AGGF1: variants seen among roughly 807,000 people sequenced by gnomAD.
AGGF1 encodes the protein angiogenic factor with G patch and FHA domains 1.
A neutral mutation model predicts 86.5 loss-of-function variants in AGGF1; 56 were observed. The observed-to-expected ratio is 0.65, with a 90% CI of 0.52 to 0.81. The LOEUF is 0.81. Among genes scored for constraint, AGGF1 ranks in the 30% least tolerant of loss-of-function variants. AGGF1 has a pLI of 0.00. For synonymous variants in AGGF1, 313 were observed against 297.1 expected, an observed-to-expected ratio of 1.05 and a Z score of -0.55; for missense variants, 816 against 850.9, an observed-to-expected ratio of 0.96 and a Z score of 0.51.
chr5:77,042,535 A>C, intron 5 of AGGF1, among the ~76,000 whole-genome samples: 1 of 71,214 alleles, frequency 1.4e-5, no homozygotes, highest in Non-Finnish European at 3.2e-5. Context: ...CTGGCCGGGC[A>C]GAGGCGCCCC....
At chr5:77,061,904 A>C in intron 13 of AGGF1, 102 bp downstream of exon 13, 1 of 1,061,554 alleles carries the variant, frequency 9.4e-7, no homozygotes, top group East Asian at 2.4e-5. Context: ...ATATAGTAGA[A>C]AGCAAAAGGA....
intron 2 of AGGF1, among the ~76,000 whole-genome samples, chr5:77,035,317 C>T (rs566025322): frequency 2.2e-4 from 33 of 151,518 alleles, no homozygotes; most frequent in African/African-American, 7.3e-4. Context: ...TTCTTTTTAA[C>T]TGACAGCTAG....
intron 5 of AGGF1, among the ~76,000 whole-genome samples, chr5:77,043,792 T>G (rs1747190607): frequency 8.9e-6 from 1 of 112,710 alleles, no homozygotes; most frequent in African/African-American, 3.2e-5. Flanking sequence ...AGTGGGCAGC[T>G]GCCGGGCGGA....
At chr5:77,040,451 C>T (rs1043721404) in intron 5 of AGGF1, among the ~76,000 whole-genome samples, 1 of 150,784 alleles carries the variant, frequency 6.6e-6, no homozygotes, top group African/African-American at 2.4e-5. Context: ...TTGCTGACAA[C>T]TGTGGAGTGA....
chr5:77,058,747 C>T (rs1238294019), intron 11 of AGGF1, among the ~76,000 whole-genome samples: 1 of 152,134 alleles, frequency 6.6e-6, no homozygotes, highest in African/African-American at 2.4e-5. Context: ...TAAAGATCAG[C>T]AAGTTATAAC....
At chr5:77,054,257 A>G (rs989927704) in intron 10 of AGGF1, 127 bp downstream of exon 10, 7 of 1,137,146 alleles carry the variant, frequency 6.2e-6, no homozygotes, top group African/African-American at 1.5e-5. Context: ...GAGATATTTT[A>G]TACAAAGCTA....
intron 3 of AGGF1, 193 bp downstream of exon 3, chr5:77,035,936 G>C (rs914057381): frequency 3.5e-6 from 2 of 575,656 alleles, no homozygotes; most frequent in South Asian, 4.1e-5. Context: ...ATATGTAGTG[G>C]TTTTCCTACT....
intron 4 of AGGF1, 103 bp downstream of exon 4, chr5:77,036,823 C>G: frequency 4.6e-6 from 6 of 1,291,288 alleles, no homozygotes; most frequent in Non-Finnish European, 6.6e-6. Flanking sequence ...CTGCAACTTT[C>G]ACCCCCCAGG....
At chr5:77,047,709 G>A (rs1747296205) in intron 6 of AGGF1, among the ~76,000 whole-genome samples, 1 of 151,848 alleles carries the variant, frequency 6.6e-6, no homozygotes, top group African/African-American at 2.4e-5. Flanking sequence ...GTAGAGACAG[G>A]GTTTGACCAT....
rs1467761140 is a variant in AGGF1, at chr5:77,030,547, C to T, written c.-220C>T. 4.3e-6 allele frequency: 3 copies of T among 699,380 alleles called. No individual in the cohort carries two copies. The highest frequency in any genetic ancestry group is 1.5e-5 in the South Asian group (1 of 66,810). 43.3% of individuals were successfully genotyped at this position (699,380 alleles called of 1,614,324 possible). On this transcript the variant is annotated 5_prime_UTR_variant, in exon 1 of 14. Coordinates refer to ENST00000312916, the MANE Select transcript of AGGF1 (RefSeq NM_018046.5). ...AGTTTTCCGGTTTGCAGGCCGCGCACATCGGGCAGGGGCCATCCTCGGTCC... is the reference window on the plus strand; with the variant it reads ...AGTTTTCCGGTTTGCAGGCCGCGCATATCGGGCAGGGGCCATCCTCGGTCC...
At chr5:77,061,947 T>G (rs1373925082) in intron 13 of AGGF1, 145 bp downstream of exon 13, 1 of 751,424 alleles carries the variant, frequency 1.3e-6, no homozygotes, top group Non-Finnish European at 2.3e-6. Flanking sequence ...CATTCACAAT[T>G]ACCAAATATA....
intron 11 of AGGF1, among the ~76,000 whole-genome samples, chr5:77,055,853 C>T (rs546389545): frequency 1.6e-4 from 25 of 152,252 alleles, no homozygotes; most frequent in African/African-American, 5.3e-4. Context: ...CATAACTAGA[C>T]ATGATAGTGT....
At chr5:77,035,422 AATC>A (rs1298621543) in intron 2 of AGGF1, 116 bp from the exon 3 acceptor site, 1 of 772,906 alleles carries the variant, frequency 1.3e-6, no homozygotes, top group Non-Finnish European at 2.1e-6. Flanking sequence ...CAGTTGTAAA[AATC>A]ATGATTTATT....
intron 4 of AGGF1, among the ~76,000 whole-genome samples, chr5:77,037,844 A>G (rs1298115249): frequency 6.6e-6 from 1 of 152,246 alleles, no homozygotes; most frequent in Non-Finnish European, 1.5e-5. Context: ...GATCTAAAAT[A>G]TAATGGACCA....
chr5:77,059,214 T>C (rs1296081210), intron 11 of AGGF1, among the ~76,000 whole-genome samples: 1 of 152,260 alleles, frequency 6.6e-6, no homozygotes, highest in Non-Finnish European at 1.5e-5. Context: ...CAGAATATAC[T>C]GTTATTTTCA....
At chr5:77,046,177 C>G (rs529830294) in intron 5 of AGGF1, among the ~76,000 whole-genome samples, 170 bp from the exon 6 acceptor site, 1 of 152,152 alleles carries the variant, frequency 6.6e-6, no homozygotes, top group Non-Finnish European at 1.5e-5. Context: ...ATGGTAATAT[C>G]ATTAACCAAG....
intron 11 of AGGF1, among the ~76,000 whole-genome samples, chr5:77,056,803 C>T (rs1024996868): frequency 6.6e-5 from 10 of 151,936 alleles, no homozygotes; most frequent in African/African-American, 2.4e-4. Context: ...TCTAAAGACA[C>T]TATTAAGAGA....
At chr5:77,032,563 CA>C (rs4025997) in intron 1 of AGGF1, among the ~76,000 whole-genome samples, 1,694 of 94,144 alleles carry the variant, frequency 0.018, 14 homozygotes, top group African/African-American at 0.068. Context: ...GACTCCGTCT[CA>C]AAAAAAAAAA....
rs369800269 is a variant in AGGF1, at chr5:77,030,923, A to G, written c.157A>G (p.Thr53Ala). ...GGAGATCGAGAAGCTGCTGCATCAC[A>G]CAGAACGGCTGTACCAGAACGCAGA... ...VREIEKLLHH[T>A]ERLYQNAESN... is the part of the protein sequence containing the mutation. Residue 53 changes from threonine to alanine, a missense_variant, in exon 1 of 14, where the codon ACA (threonine) becomes GCA (alanine). Thr to Ala is a moderately conservative substitution (Grantham distance 58). Coordinates refer to ENST00000312916, the MANE Select transcript of AGGF1 (RefSeq NM_018046.5). 3 of 1,613,198 alleles carry G rather than the reference A, an allele frequency of 1.9e-6. No homozygotes were observed. The highest frequency in any genetic ancestry group is 2.7e-5 in the African/African-American group (2 of 74,940).
Sources: allele counts gnomAD v4.1 joint callset (sites outside exome capture counted in the v4.1 genomes callset), GRCh38; gene constraint gnomAD v4.1.1; transcripts MANE v1.5; gene names NCBI Gene and HGNC (gene_info 2026-07-23, HGNC 2026-07-21).